Variants in NPL observed in about 807,000 individuals in gnomAD.
NPL encodes the protein N-acetylneuraminate pyruvate lyase.
A neutral mutation model predicts 41.1 loss-of-function variants in NPL; 32 were observed. The ratio of observed to expected loss-of-function variants is 0.78; its 90% CI spans 0.59 to 1.05. NPL has a LOEUF of 1.05. NPL is among the 50% of genes least tolerant of loss of function. NPL has a pLI of 0.00. For missense variants in NPL, 321 were observed against 378.4 expected (o/e 0.85, Z 1.26); for synonymous variants, 128 against 134.9 (o/e 0.95, Z 0.35).
chr1:182,799,451 A>G (rs899637207), intron 3 of NPL, among the ~76,000 whole-genome samples: 5 of 152,228 alleles, frequency 3.3e-5, no homozygotes, highest in Non-Finnish European at 5.9e-5. Context: ...TAATACGGCC[A>G]TATTTATACA....
At chr1:182,816,902 C>T in intron 8 of NPL, 96 bp downstream of exon 8, 1 of 913,334 alleles carries the variant, frequency 1.1e-6, no homozygotes, top group Non-Finnish European at 1.7e-6. Flanking sequence ...CTACCCCATG[C>T]CCCAAAAGCA....
At position 182,829,271 on chromosome 1, in the gene NPL, C is replaced by A. The variant is rs1392092440; in HGVS notation, c.*363C>A. On this transcript the variant is annotated 3_prime_UTR_variant, in exon 13 of 13. Transcript: ENST00000367553. Reference sequence around the variant, plus strand: ...TATTTTAAAGTTGTCTAATTTTAAACCACTATAATATGTCTTCATTTTAAT... The same window carrying A: ...TATTTTAAAGTTGTCTAATTTTAAAACACTATAATATGTCTTCATTTTAAT... 2.5e-5 allele frequency: 30 copies of A among 1,185,800 alleles called. No homozygotes were observed. The highest frequency in any genetic ancestry group is 3.0e-5 in the Non-Finnish European group (29 of 954,198). The allele number at this position is 1,185,800 out of a possible 1,614,324, so 73.5% of individuals were successfully genotyped here.
Position 182,829,727 on chromosome 1 carries a change from G to T in NPL, c.*819G>T. 1 of 1,211,582 alleles carries T rather than the reference G, an allele frequency of 8.3e-7. No homozygotes were observed. The highest frequency in any genetic ancestry group is 1.2e-6 in the Non-Finnish European group (1 of 839,280). 75.1% of individuals were successfully genotyped at this position (1,211,582 alleles called of 1,614,324 possible). A position where few individuals can be genotyped will look rare whatever the true frequency, so the allele number is the denominator to read the frequency against. The stretch of plus-strand genomic sequence containing the variant: ...CCCTGAATTATTGAAATCGAAGGCT[G>T]ACTTCCTTTCTGCAGTGAGCCCAGG... On this transcript the variant is annotated 3_prime_UTR_variant, in exon 13 of 13. Transcript: ENST00000367553.
chr1:182,791,774 A>G (rs1375140589), intron 1 of NPL, among the ~76,000 whole-genome samples: 5 of 152,188 alleles, frequency 3.3e-5, no homozygotes, highest in African/African-American at 9.7e-5. Context: ...ACGGAGTTTT[A>G]TTTAGCCTGA....
Position 182,812,154 on chromosome 1 carries a change from A to T in NPL, c.231-2A>T. On this transcript the variant is annotated splice_acceptor_variant, in intron 5 of 12. Coordinates refer to ENST00000367553, the MANE Select transcript of NPL (RefSeq NM_030769.3). LOFTEE classifies it high-confidence loss of function. ...GATGCAGCAGTGTTTTTTCTTTTGC[A>T]GGCTGGATCAGGTGATAATTCACGT... is the stretch of plus-strand genomic sequence containing the variant. 6.2e-7 allele frequency: 1 copy of T among 1,613,888 alleles called. No individual in the cohort carries two copies. Among genetic ancestry groups the T allele is most frequent in the South Asian group, 1.1e-5 (1 of 91,090 alleles).
At chr1:182,801,549 C>G (rs562405109) in intron 3 of NPL, among the ~76,000 whole-genome samples, 7 of 152,292 alleles carry the variant, frequency 4.6e-5, no homozygotes, top group African/African-American at 1.7e-4. Context: ...CAAACAGTAT[C>G]TCTCAAGAAT....
Position 182,828,274 on chromosome 1 carries a change from C to T in NPL, c.779-450C>T, listed in dbSNP as rs1183211241. On this transcript the variant is annotated intron_variant, in intron 12 of 12. Coordinates refer to ENST00000367553, the MANE Select transcript of NPL (RefSeq NM_030769.3). This position sits in a 1 kb window ranked among gnomAD's most constrained non-coding sequence, Gnocchi z 4.0. ...ACAGCAGCGTTGAGTCATAAGCCACCTTAAGTACTGCATTTCTTAGGGACT... is the reference window on the plus strand; with the variant it reads ...ACAGCAGCGTTGAGTCATAAGCCACTTTAAGTACTGCATTTCTTAGGGACT... 6.6e-6 allele frequency among the ~76,000 whole-genome samples: 1 copy of T among 152,186 alleles called. No individual in the cohort carries two copies. The highest frequency in any genetic ancestry group is 1.5e-5 in the Non-Finnish European group (1 of 68,038).
rs143549641 is a variant in NPL at position 182,797,636 on chromosome 1, A to G, written c.68+3197A>G. ...TCCACTTGAACACTTCTACTCATCT[A>G]TCAAAACCATCCTTAGAAATTCTTC... On this transcript the variant is annotated intron_variant, in intron 3 of 12. Transcript: ENST00000367553. 1.5e-3 allele frequency among the ~76,000 whole-genome samples: 229 copies of G among 152,152 alleles called. 2 individuals are homozygous for G. Among genetic ancestry groups the G allele is most frequent in the African/African-American group, 5.3e-3 (220 of 41,508 alleles).
intron 10 of NPL, among the ~76,000 whole-genome samples, 198 bp from the exon 11 acceptor site, chr1:182,821,917 C>T (rs1009668670): frequency 5.9e-5 from 9 of 152,174 alleles, no homozygotes; most frequent in African/African-American, 2.2e-4. Context: ...TGCCTGTCTT[C>T]CTTCTCTGCA....
At position 182,829,003 on chromosome 1, in the gene NPL, A is replaced by G; in HGVS notation, c.*95A>G. 1.9e-6 allele frequency: 3 copies of G among 1,591,460 alleles called. No individual in the cohort carries two copies. The highest frequency in any genetic ancestry group is 2.6e-6 in the Non-Finnish European group (3 of 1,174,750). On this transcript the variant is annotated 3_prime_UTR_variant, in exon 13 of 13. Coordinates refer to ENST00000367553, the MANE Select transcript of NPL (RefSeq NM_030769.3). The stretch of plus-strand genomic sequence containing the variant: ...GGGAATTTTAGATGAACTTGAATAA[A>G]CTCTCCTAGCAAATGAAATCTCACA...
chr1:182,806,649 A>G, intron 5 of NPL: 1 of 1,192,646 alleles, frequency 8.4e-7, no homozygotes, highest in Non-Finnish European at 1.2e-6. Context: ...ACTTCTCCTG[A>G]CAGGTCTCTG....
At chr1:182,814,893 A>G (rs761295852) in intron 7 of NPL, 35 bp downstream of exon 7, 3 of 1,491,692 alleles carry the variant, frequency 2.0e-6, no homozygotes, top group Admixed American at 1.7e-5. Flanking sequence ...GGCATCTCAC[A>G]TGGTCCACTT....
Position 182,818,780 on chromosome 1 carries a change from T to C in NPL, c.607-33T>C, listed in dbSNP as rs775020040. The C allele has an allele frequency of 1.7e-5, 27 of 1,613,882 alleles. No homozygotes were observed. In the East Asian group the frequency reaches 5.8e-4, roughly 35 times the overall value. On this transcript the variant is annotated intron_variant, in intron 9 of 12. Coordinates refer to ENST00000367553, the MANE Select transcript of NPL (RefSeq NM_030769.3). ...GTAGCATCTCTTCTCTTTCTCTTTTTTATACAAGTGAATATTTTTTGTTTC... is the reference window on the plus strand; with the variant it reads ...GTAGCATCTCTTCTCTTTCTCTTTTCTATACAAGTGAATATTTTTTGTTTC...
chr1:182,816,537 T>G (rs73065390), intron 7 of NPL, among the ~76,000 whole-genome samples, 177 bp from the exon 8 acceptor site: 3,532 of 152,274 alleles, frequency 0.023, 138 homozygotes, highest in African/African-American at 0.081. Flanking sequence ...AAAATAAAAC[T>G]TGAAGGAAGT....
At chr1:182,804,005 TC>T (rs1666932930) in intron 4 of NPL, among the ~76,000 whole-genome samples, 1 of 152,200 alleles carries the variant, frequency 6.6e-6, no homozygotes, top group South Asian at 2.1e-4. Context: ...TTATTTTTTA[TC>T]CCCATTTGGA....
chr1:182,804,197 C>G (rs1666937500), intron 4 of NPL, among the ~76,000 whole-genome samples: 1 of 152,156 alleles, frequency 6.6e-6, no homozygotes, highest in African/African-American at 2.4e-5. Flanking sequence ...GTGGCACCAT[C>G]AGCTCACTGC....
Position 182,829,212 on chromosome 1 carries a change from A to G in NPL, c.*304A>G. 2 of 1,228,552 alleles carry G rather than the reference A, an allele frequency of 1.6e-6. No individual in the cohort carries two copies. The highest frequency in any genetic ancestry group is 2.0e-6 in the Non-Finnish European group (2 of 981,922). The allele number at this position is 1,228,552 out of a possible 1,614,324, so 76.1% of individuals were successfully genotyped here. A position where few individuals can be genotyped will look rare whatever the true frequency, so the allele number is the denominator to read the frequency against. ...TTGATTAATTCCATCTGTCTTTAGG[A>G]GCTCTCATTATCTCGGTCTCTGGTT... is the stretch of plus-strand genomic sequence containing the variant. On this transcript the variant is annotated 3_prime_UTR_variant, in exon 13 of 13. Transcript: ENST00000367553.
chr1:182,828,287 T>C lies in NPL; in HGVS notation c.779-437T>C, dbSNP rs190761119. ...GTCATAAGCCACCTTAAGTACTGCA[T>C]TTCTTAGGGACTTCCTAAATAAGCT... On this transcript the variant is annotated intron_variant, in intron 12 of 12. Coordinates refer to ENST00000367553, the MANE Select transcript of NPL (RefSeq NM_030769.3). This position sits in a 1 kb window ranked among gnomAD's most constrained non-coding sequence, Gnocchi z 4.0. 1.8e-3 allele frequency among the ~76,000 whole-genome samples: 270 copies of C among 152,330 alleles called. 1 individual carries two copies. Among genetic ancestry groups the C allele is most frequent in the African/African-American group, 6.3e-3 (261 of 41,568 alleles).
intron 3 of NPL, among the ~76,000 whole-genome samples, chr1:182,797,372 G>A (rs1198455974): frequency 2.0e-5 from 3 of 152,154 alleles, no homozygotes; most frequent in African/African-American, 4.8e-5. Flanking sequence ...AGCTCGGGCT[G>A]TATCATACTA....
Sources: gnomAD v4.1 joint callset for allele counts (sites outside exome capture counted in the v4.1 genomes callset) on GRCh38, gnomAD v4.1.1 for gene constraint, Gnocchi (gnomAD v3.1) non-coding constraint, MANE v1.5 for transcripts, NCBI Gene and HGNC (gene_info 2026-07-23, HGNC 2026-07-21) for gene names.